The following SLC52A3 variants were observed in gnomAD, a reference collection of about 807,000 sequenced individuals.
SLC52A3 encodes the protein solute carrier family 52, riboflavin transporter, member 3.
In SLC52A3, 20 loss-of-function variants were observed where a neutral mutation model predicts 29.5. That is an observed-to-expected ratio of 0.68 (90% CI 0.48 to 0.99). The LOEUF is 0.99. Among genes scored for constraint, SLC52A3 ranks in the 50% least tolerant of loss-of-function variants. SLC52A3 has a pLI of 0.00. For missense variants in SLC52A3, 548 were observed against 612.9 expected (o/e 0.89, Z 1.12); for synonymous variants, 301 against 271.0 (o/e 1.11, Z -1.09).
chr20:778,395 GTC>G (rs1324374837), upstream of SLC52A3, among the ~76,000 whole-genome samples: 2 of 152,048 alleles, frequency 1.3e-5, no homozygotes, highest in African/African-American at 4.8e-5. Context: ...CCATAACTGT[GTC>G]TCCGCCAATC....
At chr20:766,447 AG>A (rs1288787785) in intron 1 of SLC52A3, 1 of 153,038 alleles carries the variant, frequency 6.5e-6, no homozygotes, top group Non-Finnish European at 1.5e-5. Flanking sequence ...TCTGAGCCCA[AG>A]CCTGCGCGTG....
chr20:766,008 G>A (rs1986674978), intron 1 of SLC52A3, 183 bp from the exon 2 acceptor site: 1 of 557,122 alleles, frequency 1.8e-6, no homozygotes, highest in Admixed American at 3.1e-5. Flanking sequence ...GATGATCTCG[G>A]CTCAGTGACC....
At chr20:774,085 C>G (rs533844837) in intron 1 of SLC52A3, among the ~76,000 whole-genome samples, 1 of 152,258 alleles carries the variant, frequency 6.6e-6, no homozygotes, top group Non-Finnish European at 1.5e-5. Flanking sequence ...TGTCCTCTCC[C>G]CCAGTGCCCA....
rs797045197 is a variant in SLC52A3 at position 763,900 on chromosome 20, A to C, written c.671T>G (p.Phe224Cys). 2 of 1,614,080 alleles carry C rather than the reference A, an allele frequency of 1.2e-6. No individual in the cohort carries two copies. The highest frequency in any genetic ancestry group is 1.7e-6 in the Non-Finnish European group (2 of 1,179,982). ...GGCCATCATGATGGATAGGAGGAGG[A>C]AGAAGACCAGGGGTGAGAAGTGGGC... is the stretch of plus-strand genomic sequence containing the variant. ...LPAHFSPLVF[F>C]LLLSIMMACC... Residue 224 changes from phenylalanine to cysteine, a missense_variant, in exon 3 of 5, where the codon TTC becomes TGC. Transcript: ENST00000645534.
chr20:763,363 G>A, intron 3 of SLC52A3, 135 bp downstream of exon 3: 3 of 1,155,376 alleles, frequency 2.6e-6, no homozygotes, highest in Non-Finnish European at 3.8e-6. Context: ...TGGCAGAGCT[G>A]GGATTTGGAC....
rs372189215 is a variant in SLC52A3, at chr20:763,482, C to T, written c.1073+16G>A. 1.8e-5 allele frequency: 29 copies of T among 1,613,726 alleles called. No homozygotes were observed. Among genetic ancestry groups the T allele is most frequent in the Non-Finnish European group, 2.5e-5 (29 of 1,179,916 alleles). On this transcript the variant is annotated intron_variant, in intron 3 of 4. Transcript: ENST00000645534. ...GTTCCCCCACTAGGATTCCCTAGGA[C>T]CAGATGAGGGCACACCTGTTAGGCA...
At chr20:769,181 A>G (rs1261154442), upstream of SLC52A3, among the ~76,000 whole-genome samples, 1 of 152,180 alleles carries the variant, frequency 6.6e-6, no homozygotes, top group Non-Finnish European at 1.5e-5. Context: ...CAGATATATT[A>G]CTTTGGTTTG....
At chr20:771,670 A>T (rs1356556759), upstream of SLC52A3, among the ~76,000 whole-genome samples, 1 of 10,472 alleles carries the variant, frequency 9.5e-5, no homozygotes, top group Non-Finnish European at 6.0e-4. Context: ...CAGAGATATG[A>T]AAAAAAAAAA....
chr20:774,041 C>G (rs6054688), intron 1 of SLC52A3, among the ~76,000 whole-genome samples: 4,839 of 152,332 alleles, frequency 0.032, 271 homozygotes, highest in African/African-American at 0.11. Flanking sequence ...CTGGTCTCTC[C>G]CATTGGAGTG....
rs890871342 is a variant in SLC52A3, at chr20:765,225, C to A, written c.550G>T (p.Glu184Ter). 1.2e-6 allele frequency: 2 copies of A among 1,614,048 alleles called. No individual in the cohort carries two copies. Among genetic ancestry groups the A allele is most frequent in the Admixed American group, 1.7e-5 (1 of 59,994 alleles). Residue 184 changes from glutamate to a stop codon, truncating the protein, a stop_gained, in exon 2 of 5, where the codon GAG (glutamate) becomes TAG (stop). Transcript: ENST00000645534. LOFTEE classifies it high-confidence loss of function. This position sits in a 1 kb window ranked among gnomAD's most constrained non-coding sequence, Gnocchi z 6.6. ...CTGGGTACCTGTGCGATGTCAGTCT[C>A]CCTCGTGGGTACAGGGCTTGGTACG... ...DSVPSPVPTR[E>*]TDIAQGVPRA...
At position 763,497 on chromosome 20, in the gene SLC52A3, C is replaced by T. The variant is rs1986556798; in HGVS notation, c.1073+1G>A. ...TTCCCTAGGACCAGATGAGGGCACA[C>T]CTGTTAGGCAGGAACATGGAGACCA... On this transcript the variant is annotated splice_donor_variant, in intron 3 of 4. Coordinates refer to ENST00000645534, the MANE Select transcript of SLC52A3 (RefSeq NM_033409.4). LOFTEE classifies it high-confidence loss of function. 9.3e-6 allele frequency: 15 copies of T among 1,613,816 alleles called. No individual in the cohort carries two copies. The highest frequency in any genetic ancestry group is 1.3e-5 in the Non-Finnish European group (15 of 1,179,928).
At chr20:777,184 C>G (rs150767603), upstream of SLC52A3, among the ~76,000 whole-genome samples, 2,116 of 151,838 alleles carry the variant, frequency 0.014, 72 homozygotes, top group East Asian at 0.12. Flanking sequence ...TGCAGTGAGC[C>G]GAGATCGCGC....
chr20:764,064 A>G, intron 2 of SLC52A3, 61 bp from the exon 3 acceptor site: 1 of 1,426,566 alleles, frequency 7.0e-7, no homozygotes, highest in South Asian at 1.3e-5. Context: ...AACAACAATC[A>G]TGACAGTGAT....
At chr20:772,282 ATGGGATTTG>A (rs1206004089), upstream of SLC52A3, among the ~76,000 whole-genome samples, 1 of 152,144 alleles carries the variant, frequency 6.6e-6, no homozygotes, top group Non-Finnish European at 1.5e-5. Context: ...CACTTGAGGG[ATGGGATTTG>A]GCTCCGGGGG....
At position 763,770 on chromosome 20, in the gene SLC52A3, C is replaced by T. The variant is rs146474751; in HGVS notation, c.801G>A (p.Pro267=). Residue 267 remains proline (P), a synonymous_variant, in exon 3 of 5, where the codon CCG becomes CCA. Transcript: ENST00000645534. ...NDQVTLHSIR[P]REENDLGPAG... The stretch of plus-strand genomic sequence containing the variant: ...CAGGGCCCAAGTCATTCTCTTCCCG[C>T]GGCCGGATGGAGTGGAGGGTGACCT... The T allele has an allele frequency of 4.5e-5, 73 of 1,614,146 alleles. No individual in the cohort carries two copies. The African/African-American group carries it at 7.2e-4, about 16-fold the overall frequency.
upstream of SLC52A3, among the ~76,000 whole-genome samples, chr20:777,624 C>T (rs1284046045): frequency 1.3e-5 from 2 of 152,182 alleles, no homozygotes; most frequent in Non-Finnish European, 2.9e-5. Flanking sequence ...TTCTGGCCTG[C>T]CTGTTGTGTT....
In SLC52A3 at chr20:763,971, G is replaced by A. The variant is rs16992990; in HGVS notation, c.600C>T (p.Pro200=). The A allele has an allele frequency of 8.5e-3, 13,662 of 1,598,728 alleles. 378 individuals carry two copies. The highest frequency in any genetic ancestry group is 0.068 in the South Asian group (6,112 of 89,262). ...GGTGGGACAAGGGTGCTTCCATTCC[G>A]GGGAGGGCGGACACCAAAGCTCTGG... ...GVPRALVSAL[P]GMEAPLSHLE... The change falls in exon 3 of 5, where the codon CCC becomes CCT. Residue 200 remains proline (P), a synonymous_variant. Coordinates refer to ENST00000645534, the MANE Select transcript of SLC52A3 (RefSeq NM_033409.4).
chr20:764,526 G>GTCCCCACCTAAGGGGAGAAT (rs1986610329), intron 2 of SLC52A3, among the ~76,000 whole-genome samples: 1 of 151,662 alleles, frequency 6.6e-6, no homozygotes, highest in African/African-American at 2.4e-5. Context: ...TAAGGGGAGA[G>GTCCCCACCTAAGGGGAGAAT]CCCCCACCTA....
Position 762,072 on chromosome 20 carries a change from A to C in SLC52A3, c.1074-248T>G, listed in dbSNP as rs16992934. Among the ~76,000 whole-genome samples, 10,830 of 152,230 alleles carry C rather than the reference A, an allele frequency of 0.071. 811 individuals carry two copies. The highest frequency in any genetic ancestry group is 0.43 in the East Asian group (2,224 of 5,160). On this transcript the variant is annotated intron_variant, in intron 3 of 4. Coordinates refer to ENST00000645534, the MANE Select transcript of SLC52A3 (RefSeq NM_033409.4). Reference sequence around the variant, plus strand: ...AAAACATAATGGACTCTGGCACCGGATGGTCCTGGTTCAAATCCCAGTTCT... The same window carrying C: ...AAAACATAATGGACTCTGGCACCGGCTGGTCCTGGTTCAAATCCCAGTTCT...
Sources: gnomAD v4.1 joint callset for allele counts (sites outside exome capture counted in the v4.1 genomes callset) on GRCh38, gnomAD v4.1.1 for gene constraint, Gnocchi (gnomAD v3.1) non-coding constraint, MANE v1.5 for transcripts, NCBI Gene and HGNC (gene_info 2026-07-23, HGNC 2026-07-21) for gene names.